Variants in CNTN6 observed in about 807,000 individuals in gnomAD.
CNTN6 encodes contactin 6, also known as contactin-6.
In CNTN6, 137 loss-of-function variants were observed where a neutral mutation model predicts 122.8. The observed-to-expected ratio is 1.12, with a 90% CI of 0.97 to 1.29. The LOEUF (loss-of-function observed/expected upper bound fraction) is 1.29. Ranked by LOEUF, CNTN6 falls within the 50% of genes most tolerant of loss-of-function variation. The probability of loss-of-function intolerance (pLI) is 0.00; values close to 1 mark genes in which losing one functional copy is unlikely to be tolerated. For missense variants in CNTN6, 1,634 were observed against 1,223.4 expected (o/e 1.34, Z -5.01); for synonymous variants, 570 against 426.0 (o/e 1.34, Z -4.16).
At chr3:1,354,303 A>G (rs1158621991) in intron 12 of CNTN6, among the ~76,000 whole-genome samples, 2 of 150,938 alleles carry the variant, frequency 1.3e-5, no homozygotes, top group Non-Finnish European at 3.0e-5. Context: ...AAATCTAACC[A>G]TAATCCCCAG....
At chr3:1,332,975 G>A (rs1307326949) in intron 11 of CNTN6, among the ~76,000 whole-genome samples, 2 of 151,962 alleles carry the variant, frequency 1.3e-5, no homozygotes, top group Non-Finnish European at 2.9e-5. Context: ...CAATATTAAC[G>A]AAAGCTTTGG....
At chr3:1,271,267 C>A (rs1242539189) in intron 4 of CNTN6, among the ~76,000 whole-genome samples, 1 of 152,154 alleles carries the variant, frequency 6.6e-6, no homozygotes, top group Non-Finnish European at 1.5e-5. Context: ...GGTGTGACAG[C>A]AGGAGCAGAG....
intron 20 of CNTN6, among the ~76,000 whole-genome samples, chr3:1,392,456 A>G (rs1263698885): frequency 4.6e-5 from 7 of 151,784 alleles, no homozygotes; most frequent in South Asian, 2.1e-4. Flanking sequence ...AAAAACCCTA[A>G]AAGAAAACCT....
At chr3:1,180,959 AC>A (rs1199723017) in intron 2 of CNTN6, among the ~76,000 whole-genome samples, 4 of 151,660 alleles carry the variant, frequency 2.6e-5, no homozygotes, top group African/African-American at 9.7e-5. Context: ...TATTTTTTTT[AC>A]TTTTTTTTCT....
chr3:1,271,060 TA>T (rs1229197817), intron 4 of CNTN6, among the ~76,000 whole-genome samples: 9 of 152,282 alleles, frequency 5.9e-5, no homozygotes, highest in African/African-American at 2.2e-4. Context: ...ATATTTTTAG[TA>T]GAGACAGGGT....
Position 1,403,517 on chromosome 3 carries a change from T to G in CNTN6, c.*99T>G. On this transcript the variant is annotated 3_prime_UTR_variant, in exon 23 of 23. Coordinates refer to ENST00000446702, the MANE Select transcript of CNTN6 (RefSeq NM_001289080.2). ...ACAAGATGCGTTCTTAATACAGACT[T>G]GTTTGCAAAGAAAAAAAAAAGTATA... 1.7e-6 allele frequency: 1 copy of G among 591,366 alleles called. No homozygotes were observed. Among genetic ancestry groups the G allele is most frequent in the Non-Finnish European group, 2.9e-6 (1 of 348,514 alleles). 36.6% of individuals were successfully genotyped at this position (591,366 alleles called of 1,614,324 possible). A position where few individuals can be genotyped will look rare whatever the true frequency, so the allele number is the denominator to read the frequency against.
intron 6 of CNTN6, 97 bp from the exon 7 acceptor site, chr3:1,297,792 T>C: frequency 1.1e-6 from 1 of 941,872 alleles, no homozygotes. Context: ...CTAACTCTTA[T>C]TAAGAAGAAA....
intron 1 of CNTN6, among the ~76,000 whole-genome samples, chr3:1,097,915 T>G (rs2090618479): frequency 6.6e-6 from 1 of 152,170 alleles, no homozygotes; most frequent in South Asian, 2.1e-4. Flanking sequence ...TTGTATTGGG[T>G]ATTTAATAGA....
intron 4 of CNTN6, 147 bp downstream of exon 4, chr3:1,228,140 C>T (rs1169542654): frequency 2.9e-6 from 2 of 683,748 alleles, no homozygotes; most frequent in Non-Finnish European, 4.6e-6. Context: ...TTTTGTGAAT[C>T]TAGATTCTTG....
At chr3:1,334,937 C>T (rs1308472804) in intron 11 of CNTN6, among the ~76,000 whole-genome samples, 2 of 152,222 alleles carry the variant, frequency 1.3e-5, no homozygotes, top group East Asian at 3.9e-4. Context: ...TTCATTCATT[C>T]TGCAAATATT....
At chr3:1,227,139 T>G (rs1310685270) in intron 3 of CNTN6, among the ~76,000 whole-genome samples, 1 of 152,220 alleles carries the variant, frequency 6.6e-6, no homozygotes, top group Non-Finnish European at 1.5e-5. Context: ...TTCAGCTAGT[T>G]AATTCATGTA....
chr3:1,399,094 C>G (rs188345844), intron 20 of CNTN6, among the ~76,000 whole-genome samples: 22 of 151,992 alleles, frequency 1.4e-4, no homozygotes, highest in African/African-American at 5.3e-4. Flanking sequence ...ACAAAACATC[C>G]GGAAATACAT....
intron 19 of CNTN6, among the ~76,000 whole-genome samples, chr3:1,383,677 C>A (rs113414436): frequency 0.033 from 4,960 of 152,090 alleles, 111 homozygotes; most frequent in South Asian, 0.054. Context: ...AAAAAAACAG[C>A]TTTATTGAGG....
Position 1,227,817 on chromosome 3 carries a change from G to T in CNTN6, c.183-1G>T. On this transcript the variant is annotated splice_acceptor_variant, in intron 3 of 22. Coordinates refer to ENST00000446702, the MANE Select transcript of CNTN6 (RefSeq NM_001289080.2). LOFTEE classifies it high-confidence loss of function. Reference sequence around the variant, plus strand: ...GCACTTTATTTTTTTTTTCCTTGAAGGTGGAAGCAAAATGGCACAGACATT... The same window carrying T: ...GCACTTTATTTTTTTTTTCCTTGAATGTGGAAGCAAAATGGCACAGACATT... The T allele has an allele frequency of 1.2e-6, 2 of 1,610,272 alleles. No homozygotes were observed. Among genetic ancestry groups the T allele is most frequent in the Admixed American group, 1.7e-5 (1 of 59,218 alleles).
At chr3:1,228,124 T>C (rs1340262708) in intron 4 of CNTN6, 131 bp downstream of exon 4, 1 of 758,388 alleles carries the variant, frequency 1.3e-6, no homozygotes, top group Non-Finnish European at 2.0e-6. Flanking sequence ...CTTTTGACAA[T>C]GTTCATTTTG....
chr3:1,134,396 A>G (rs112697594), intron 1 of CNTN6, among the ~76,000 whole-genome samples: 1,585 of 152,198 alleles, frequency 0.01, 37 homozygotes, highest in African/African-American at 0.036. Flanking sequence ...AGTCTCCTAC[A>G]GTGTGCTCTG....
intron 2 of CNTN6, among the ~76,000 whole-genome samples, chr3:1,158,975 T>C (rs1291805888): frequency 2.1e-5 from 3 of 141,088 alleles, no homozygotes; most frequent in African/African-American, 5.5e-5. Context: ...CACACATATA[T>C]ATATATATAG....
At chr3:1,273,661 TATTA>T (rs545228328) in intron 4 of CNTN6, among the ~76,000 whole-genome samples, 36 of 152,316 alleles carry the variant, frequency 2.4e-4, no homozygotes, top group Non-Finnish European at 4.4e-4. Flanking sequence ...AAACGTGAAT[TATTA>T]ATTAAAACCT....
At chr3:1,154,373 G>A (rs889196643) in intron 2 of CNTN6, among the ~76,000 whole-genome samples, 5 of 151,796 alleles carry the variant, frequency 3.3e-5, no homozygotes, top group Admixed American at 3.3e-4. Flanking sequence ...TCACTTTAAG[G>A]GTACTCAAAA....
Sources: allele counts gnomAD v4.1 joint callset (sites outside exome capture counted in the v4.1 genomes callset), GRCh38; gene constraint gnomAD v4.1.1; transcripts MANE v1.5; gene names NCBI Gene and HGNC (gene_info 2026-07-23, HGNC 2026-07-21).